The following SUSD4 variants were observed in gnomAD, a reference collection of about 807,000 sequenced individuals.
SUSD4 encodes sushi domain containing 4.
Under a neutral mutation model 50.5 loss-of-function variants are expected in SUSD4, and 41 were observed. The ratio of observed to expected loss-of-function variants is 0.81; its 90% CI spans 0.63 to 1.05. SUSD4 has a LOEUF of 1.05. Ranked by LOEUF, SUSD4 falls within the 50% of genes least tolerant of loss-of-function variation. SUSD4 has a pLI of 0.00. For missense variants in SUSD4, 580 were observed against 634.7 expected (o/e 0.91, Z 0.93); for synonymous variants, 257 against 257.3 (o/e 1.00, Z 0.01).
chr1:223,278,853 C>G (rs966115884), intron 3 of SUSD4, among the ~76,000 whole-genome samples: 2 of 152,174 alleles, frequency 1.3e-5, no homozygotes, highest in Non-Finnish European at 2.9e-5. Flanking sequence ...CGGCTGGGTA[C>G]CCCTCTGAGA....
intron 5 of SUSD4, among the ~76,000 whole-genome samples, chr1:223,242,517 C>G (rs73122207): frequency 0.017 from 2,582 of 152,302 alleles, 75 homozygotes; most frequent in African/African-American, 0.057. Context: ...CTGGAATCAC[C>G]CCTTGGAATT....
intron 2 of SUSD4, among the ~76,000 whole-genome samples, chr1:223,293,991 G>C (rs1324972163): frequency 6.6e-6 from 1 of 152,160 alleles, no homozygotes; most frequent in African/African-American, 2.4e-5. Context: ...ATAAGCCACA[G>C]CGAGGGCCAG....
intron 2 of SUSD4, among the ~76,000 whole-genome samples, chr1:223,328,234 G>A (rs1019280419): frequency 1.1e-4 from 16 of 152,114 alleles, no homozygotes; most frequent in African/African-American, 3.9e-4. Context: ...TTTATAAAGG[G>A]CTCTCCAGTA....
At chr1:223,333,903 C>A (rs1410270280) in intron 2 of SUSD4, among the ~76,000 whole-genome samples, 1 of 152,152 alleles carries the variant, frequency 6.6e-6, no homozygotes, top group Non-Finnish European at 1.5e-5. Flanking sequence ...TAGAGAAAAG[C>A]CCTATAGATG....
chr1:223,245,216 G>A (rs1660836063), intron 5 of SUSD4, among the ~76,000 whole-genome samples: 1 of 151,116 alleles, frequency 6.6e-6, no homozygotes, highest in East Asian at 1.9e-4. Flanking sequence ...TTAAAAATGG[G>A]ACTTGTATTA....
rs768479836 is a variant in SUSD4, at chr1:223,229,315, G to A, written c.798C>T (p.His266=). 2.6e-5 allele frequency: 42 copies of A among 1,612,380 alleles called. No homozygotes were observed. Among genetic ancestry groups the A allele is most frequent in the East Asian group, 6.7e-5 (3 of 44,804 alleles). The change falls in exon 6 of 9, where the codon CAC becomes CAT. Residue 266 remains histidine, a synonymous_variant. Coordinates refer to ENST00000366878, the MANE Select transcript of SUSD4 (RefSeq NM_017982.4). This position sits in a 1 kb window ranked among gnomAD's most constrained non-coding sequence, Gnocchi z 4.7. The part of the protein sequence containing the change: ...CHPRPCERYN[H]GTVVEFYCDP... Reference sequence around the variant, plus strand: ...CGCAGTAAAACTCCACCACAGTTCCGTGGTTGTAGCGCTCACAAGGCCGCG... The same window carrying A: ...CGCAGTAAAACTCCACCACAGTTCCATGGTTGTAGCGCTCACAAGGCCGCG...
At chr1:223,282,314 T>A (rs1242026697) in intron 3 of SUSD4, among the ~76,000 whole-genome samples, 1 of 152,176 alleles carries the variant, frequency 6.6e-6, no homozygotes, top group Non-Finnish European at 1.5e-5. Context: ...TGTTTGCAGA[T>A]GACATGATTG....
intron 4 of SUSD4, among the ~76,000 whole-genome samples, chr1:223,265,731 G>T (rs182201500): frequency 2.0e-5 from 3 of 152,254 alleles, no homozygotes; most frequent in Non-Finnish European, 4.4e-5. Flanking sequence ...TGGTGGCAGA[G>T]AATTCTGTTG....
intron 5 of SUSD4, among the ~76,000 whole-genome samples, chr1:223,255,474 G>A (rs969908305): frequency 2.0e-5 from 3 of 152,158 alleles, no homozygotes; most frequent in African/African-American, 7.2e-5. Flanking sequence ...TTTCACGCCA[G>A]CAAACTCTTC....
At chr1:223,273,786 A>C (rs938957002) in intron 3 of SUSD4, among the ~76,000 whole-genome samples, 39 of 152,170 alleles carry the variant, frequency 2.6e-4, no homozygotes, top group African/African-American at 8.7e-4. Flanking sequence ...TTGTTGCTGG[A>C]AAAAAGAGGT....
At chr1:223,357,361 T>A (rs1227649678) in intron 2 of SUSD4, among the ~76,000 whole-genome samples, 1 of 152,176 alleles carries the variant, frequency 6.6e-6, no homozygotes, top group Non-Finnish European at 1.5e-5. Context: ...AAGAAAAATG[T>A]TTGAATCAAA....
intron 2 of SUSD4, among the ~76,000 whole-genome samples, chr1:223,334,323 G>C (rs943995738): frequency 6.6e-6 from 1 of 151,916 alleles, no homozygotes; most frequent in Admixed American, 6.6e-5. Flanking sequence ...AAAAAGCACA[G>C]AGAAAGAAAA....
At position 223,264,618 on chromosome 1, in the gene SUSD4, G is replaced by T. The variant is rs368804593; in HGVS notation, c.724+12C>A. On this transcript the variant is annotated intron_variant, in intron 5 of 8. Transcript: ENST00000366878. Reference sequence around the variant, plus strand: ...TACAAAATACAACTTCCGAAAGAATGAGATGTGTTACCTTCCAGAGCAAGG... The same window carrying T: ...TACAAAATACAACTTCCGAAAGAATTAGATGTGTTACCTTCCAGAGCAAGG... 3.7e-6 allele frequency: 6 copies of T among 1,612,846 alleles called. No homozygotes were observed. Among genetic ancestry groups the T allele is most frequent in the Non-Finnish European group, 5.1e-6 (6 of 1,179,180 alleles).
At chr1:223,236,196 G>T (rs538672809) in intron 5 of SUSD4, among the ~76,000 whole-genome samples, 3 of 152,312 alleles carry the variant, frequency 2.0e-5, no homozygotes, top group African/African-American at 7.2e-5. Flanking sequence ...AAATCAGGTT[G>T]TTTGTGTTCT....
At chr1:223,309,035 T>A (rs1269242374) in intron 2 of SUSD4, among the ~76,000 whole-genome samples, 2 of 152,220 alleles carry the variant, frequency 1.3e-5, no homozygotes, top group Non-Finnish European at 2.9e-5. Context: ...TCTCTGACTA[T>A]AAAAATTTGG....
chr1:223,250,278 G>A (rs1661212275), intron 5 of SUSD4, among the ~76,000 whole-genome samples: 1 of 152,176 alleles, frequency 6.6e-6, no homozygotes, highest in Non-Finnish European at 1.5e-5. Flanking sequence ...AAAAGGAAAT[G>A]CTCAATAAAA....
intron 2 of SUSD4, among the ~76,000 whole-genome samples, chr1:223,326,305 A>G (rs1217038593): frequency 6.6e-6 from 1 of 152,186 alleles, no homozygotes; most frequent in Non-Finnish European, 1.5e-5. Context: ...CACATGTGGA[A>G]AAATGAAACT....
At chr1:223,292,707 G>A in intron 2 of SUSD4, 56 bp from the exon 3 acceptor site, 2 of 1,576,900 alleles carry the variant, frequency 1.3e-6, no homozygotes, top group Non-Finnish European at 1.7e-6. Flanking sequence ...CAATGCCAAG[G>A]GCCTTCCTAC....
intron 2 of SUSD4, chr1:223,359,178 C>T (rs1438596126): frequency 4.9e-5 from 23 of 470,494 alleles, no homozygotes; most frequent in Middle Eastern, 3.2e-4. Flanking sequence ...CTCCTGCTCT[C>T]CACCCTTCAG....
Sources: allele counts gnomAD v4.1 joint callset (sites outside exome capture counted in the v4.1 genomes callset), GRCh38; gene constraint gnomAD v4.1.1; non-coding constraint Gnocchi (gnomAD v3.1); transcripts MANE v1.5; gene names NCBI Gene and HGNC (gene_info 2026-07-23, HGNC 2026-07-21).